Variants in FN1 observed in about 807,000 individuals in gnomAD.
The protein encoded by FN1 is fibronectin.
Under a neutral mutation model 297.3 loss-of-function variants are expected in FN1, and 106 were observed. The ratio of observed to expected loss-of-function variants is 0.36; its 90% CI spans 0.30 to 0.42. The LOEUF (loss-of-function observed/expected upper bound fraction) is 0.42. Ranked by LOEUF, FN1 falls within the 10% of genes least tolerant of loss-of-function variation. FN1 has a pLI of 1.00. For synonymous variants in FN1, 1,149 were observed against 1,152.6 expected, an observed-to-expected ratio of 1.00 and a Z score of 0.06; for missense variants, 2,690 against 3,124.9, an observed-to-expected ratio of 0.86 and a Z score of 3.32.
At chr2:215,407,889 A>G (rs1315204054) in intron 17 of FN1, among the ~76,000 whole-genome samples, 1 of 151,584 alleles carries the variant, frequency 6.6e-6, no homozygotes, top group Non-Finnish European at 1.5e-5. Context: ...GTGTGTGTGT[A>G]TAAGGGAGTT....
chr2:215,392,737 T>C (rs931106641), intron 25 of FN1, 194 bp downstream of exon 25: 5 of 644,882 alleles, frequency 7.8e-6, no homozygotes, highest in African/African-American at 1.8e-5. Flanking sequence ...GAGAGTGTAC[T>C]GAAGAATACT....
At chr2:215,361,711 A>G (rs1476003643) in intron 45 of FN1, 85 bp from the exon 46 acceptor site, 29 of 1,104,156 alleles carry the variant, frequency 2.6e-5, no homozygotes, top group Non-Finnish European at 3.5e-5. Flanking sequence ...GTGGGGACTC[A>G]TGACAGCTGC....
intron 5 of FN1, among the ~76,000 whole-genome samples, chr2:215,429,215 T>C (rs1365267484): frequency 6.6e-6 from 1 of 152,194 alleles, no homozygotes; most frequent in Non-Finnish European, 1.5e-5. Context: ...TTATTTTCCC[T>C]TCCCCTATAC....
chr2:215,393,857 T>A (rs2060001160), intron 24 of FN1: 1 of 153,992 alleles, frequency 6.5e-6, no homozygotes, highest in Non-Finnish European at 1.4e-5. Flanking sequence ...AGCATTCTAC[T>A]GAAGAGTCCA....
Position 215,382,299 on chromosome 2 carries a change from A to G in FN1, c.5077T>C (p.Leu1693=), listed in dbSNP as rs767478737. The change falls in exon 32 of 46, where the codon TTG becomes CTG. Residue 1693 remains leucine (L), a synonymous_variant. Transcript: ENST00000354785. ...ACCACATACTCCACTGTGGGCTGCA[A>G]GCCTTCAATAGTCATTTCTGTTTGA... is the stretch of plus-strand genomic sequence containing the variant. ...PDQTEMTIEG[L]QPTVEYVVSV... 1.2e-6 allele frequency: 2 copies of G among 1,612,966 alleles called. No homozygotes were observed. Among genetic ancestry groups the G allele is most frequent in the East Asian group, 2.2e-5 (1 of 44,886 alleles).
intron 5 of FN1, among the ~76,000 whole-genome samples, chr2:215,429,985 G>A (rs1164910844): frequency 1.3e-5 from 2 of 152,138 alleles, no homozygotes; most frequent in African/African-American, 2.4e-5. Flanking sequence ...AAACCAGCAA[G>A]TTTCTGGGAA....
At chr2:215,370,707 C>T (rs937843236) in intron 40 of FN1, among the ~76,000 whole-genome samples, 12 of 152,084 alleles carry the variant, frequency 7.9e-5, no homozygotes, top group East Asian at 1.9e-4. Flanking sequence ...ATACTAGAGA[C>T]GGCCTGCCAT....
intron 42 of FN1, among the ~76,000 whole-genome samples, chr2:215,366,148 ATAT>A (rs1283392561): frequency 2.0e-5 from 3 of 152,124 alleles, no homozygotes; most frequent in African/African-American, 7.2e-5. Flanking sequence ...GAATTTTAAA[ATAT>A]TATTTTTTAT....
At chr2:215,365,804 TTA>T (rs1386413529) in intron 42 of FN1, 174 bp from the exon 43 acceptor site, 50 of 279,614 alleles carry the variant, frequency 1.8e-4, no homozygotes, top group African/African-American at 3.9e-4. Context: ...TATTTACTTT[TTA>T]TTTTTTTTTT....
rs754467572 is a variant in FN1, at chr2:215,407,314, T to C, written c.2526A>G (p.Arg842=). ...SRPQAPITGY[R]IVYSPSVEGS... ...CTTCTACTGATGGCGAATAGACTAT[T>C]CTGTACCCTGCAGATTCATGAGCAA... The change falls in exon 18 of 46, where the codon AGA becomes AGG. Residue 842 remains arginine, a synonymous_variant. Transcript: ENST00000354785. 4 of 1,613,954 alleles carry C rather than the reference T, an allele frequency of 2.5e-6. No homozygotes were observed. Among genetic ancestry groups the C allele is most frequent in the Non-Finnish European group, 3.4e-6 (4 of 1,179,914 alleles).
At chr2:215,403,834 A>G (rs1051870326) in intron 20 of FN1, among the ~76,000 whole-genome samples, 2 of 152,250 alleles carry the variant, frequency 1.3e-5, no homozygotes, top group Admixed American at 1.3e-4. Context: ...ACACTCATAA[A>G]GAAATCATTT....
intron 17 of FN1, 104 bp downstream of exon 17, chr2:215,408,004 T>C: frequency 1.3e-6 from 1 of 742,856 alleles, no homozygotes; most frequent in Non-Finnish European, 2.4e-6. Flanking sequence ...TAAATTATAT[T>C]GGAGATTTAA....
At chr2:215,431,355 T>C (rs1034196636) in intron 4 of FN1, among the ~76,000 whole-genome samples, 1 of 152,166 alleles carries the variant, frequency 6.6e-6, no homozygotes, top group Non-Finnish European at 1.5e-5. Flanking sequence ...CTTTCAGGCT[T>C]GTACTTACAA....
At position 215,411,910 on chromosome 2, in the gene FN1, G is replaced by A. The variant is rs549828281; in HGVS notation, c.1942-1796C>T. Among the ~76,000 whole-genome samples the A allele has an allele frequency of 3.9e-5, 6 of 152,032 alleles. No individual in the cohort carries two copies. In the East Asian group the frequency reaches 7.7e-4, roughly 20 times the overall value. ...TCTCGATCTCTTGACCTCGTGATCC[G>A]CCCACCTTGGCCTCCCAAAGTGCTG... On this transcript the variant is annotated intron_variant, in intron 13 of 45. Transcript: ENST00000354785.
At chr2:215,361,713 GACAGCTGCTTATAGAT>G (rs1165118010) in intron 45 of FN1, 87 bp from the exon 46 acceptor site, 1 of 1,089,306 alleles carries the variant, frequency 9.2e-7, no homozygotes, top group African/African-American at 1.5e-5. Flanking sequence ...GGGGACTCAT[GACAGCTGCTTATAGAT>G]AGGATAATAT....
Position 215,407,220 on chromosome 2 carries a change from C to A in FN1, c.2620G>T (p.Val874Phe). 6.2e-7 allele frequency: 1 copy of A among 1,614,036 alleles called. No individual in the cohort carries two copies. The highest frequency in any genetic ancestry group is 2.2e-5 in the East Asian group (1 of 44,882). Residue 874 changes from valine (V) to phenylalanine (F), a missense_variant, in exon 18 of 46, where the codon GTT becomes TTT. Transcript: ENST00000354785. ...GCATAGATAGTGATGTTATACTGAA[C>A]ACCAGGTTGCAAGTCACTGAGGGTG... ...SVTLSDLQPG[V>F]QYNITIYAVE...
Position 215,435,681 on chromosome 2 carries a change from G to T in FN1, c.122C>A (p.Ser41Tyr). 1.2e-6 allele frequency: 2 copies of T among 1,613,502 alleles called. No homozygotes were observed. Among genetic ancestry groups the T allele is most frequent in the Non-Finnish European group, 1.7e-6 (2 of 1,179,944 alleles). Residue 41 changes from serine (S) to tyrosine (Y), a missense_variant, in exon 1 of 46, where the codon TCC becomes TAC. Around this residue, in one of 3 missense-constraint regions of FN1, gnomAD observed 876 missense variants for 1,058.1 expected, o/e 0.83. Transcript: ENST00000354785. The stretch of plus-strand genomic sequence containing the variant: ...CTTGCTTTGACTGACAGCCACCGGG[G>T]ACTGGGGCTGAACCATTTGCTGAGC... ...RQAQQMVQPQSPVAVSQSKPG... is the reference protein window; with the variant it reads ...RQAQQMVQPQYPVAVSQSKPG...
chr2:215,431,381 T>G (rs1559606940), intron 4 of FN1, among the ~76,000 whole-genome samples: 2 of 152,220 alleles, frequency 1.3e-5, no homozygotes, highest in African/African-American at 2.4e-5. Context: ...AACTGAGGAT[T>G]GAGATCCAAA....
intron 6 of FN1, among the ~76,000 whole-genome samples, chr2:215,426,076 A>G (rs1040674598): frequency 6.6e-6 from 1 of 151,744 alleles, no homozygotes; most frequent in African/African-American, 2.4e-5. Flanking sequence ...TCTAAAACCA[A>G]TTGATCCTCT....
Sources: gnomAD v4.1 joint callset for allele counts (sites outside exome capture counted in the v4.1 genomes callset) on GRCh38, gnomAD v4.1.1 for gene constraint, gnomAD v4.1.1 regional missense constraint, MANE v1.5 for transcripts, NCBI Gene and HGNC (gene_info 2026-07-23, HGNC 2026-07-21) for gene names.